Variants in DOCK5 observed in about 807,000 individuals in gnomAD.
The protein encoded by DOCK5 is dedicator of cytokinesis 5.
Under a neutral mutation model 251.8 loss-of-function variants are expected in DOCK5, and 142 were observed. The observed-to-expected ratio is 0.56, with a 90% confidence interval of 0.49 to 0.65. The LOEUF (loss-of-function observed/expected upper bound fraction) is 0.65. DOCK5 is among the 30% of genes least tolerant of loss of function. DOCK5 has a pLI of 0.00. For synonymous variants in DOCK5, 842 were observed against 835.5 expected, an observed-to-expected ratio of 1.01 and a Z score of -0.13; for missense variants, 2,111 against 2,312.3, an observed-to-expected ratio of 0.91 and a Z score of 1.79.
intron 9 of DOCK5, among the ~76,000 whole-genome samples, chr8:25,300,861 G>A (rs958016572): frequency 1.7e-4 from 12 of 68,602 alleles, no homozygotes; most frequent in Admixed American, 9.0e-4. Flanking sequence ...GTGAAAAATC[G>A]GGGAAAAAAA....
At chr8:25,386,009 T>C (rs576696293) in intron 40 of DOCK5, among the ~76,000 whole-genome samples, 21 of 152,328 alleles carry the variant, frequency 1.4e-4, no homozygotes, top group Middle Eastern at 3.4e-3. Context: ...AGTAGTTGTG[T>C]ACAAGAGGGT....
chr8:25,231,758 G>C lies in DOCK5; in HGVS notation c.44-11916G>C, dbSNP rs964718410. Among the ~76,000 whole-genome samples the C allele has an allele frequency of 2.0e-5, 3 of 152,086 alleles. No homozygotes were observed. In the South Asian group the frequency reaches 6.2e-4, roughly 32 times the overall value. On this transcript the variant is annotated intron_variant, in intron 1 of 51. Transcript: ENST00000276440. ...CGATTCAAGCAGATATCTTTGCCTTGTACCTGGTATTAGAGGAGCACATTT... is the reference window on the plus strand; with the variant it reads ...CGATTCAAGCAGATATCTTTGCCTTCTACCTGGTATTAGAGGAGCACATTT...
chr8:25,223,632 T>C (rs1168959307), intron 1 of DOCK5, among the ~76,000 whole-genome samples: 1 of 152,228 alleles, frequency 6.6e-6, no homozygotes, highest in African/African-American at 2.4e-5. Flanking sequence ...TGATTTTTAA[T>C]ACCACCAACA....
chr8:25,210,429 C>T lies in DOCK5; in HGVS notation c.43+25478C>T, dbSNP rs1199203471. 5.9e-5 allele frequency among the ~76,000 whole-genome samples: 4 copies of T among 68,050 alleles called. 1 individual carries two copies. The highest frequency in any genetic ancestry group is 1.7e-4 in the Admixed American group (1 of 5,952). 44.6% of individuals were successfully genotyped at this position (68,050 alleles called of 152,430 possible). On this transcript the variant is annotated intron_variant, in intron 1 of 51. Transcript: ENST00000276440. The stretch of plus-strand genomic sequence containing the variant: ...TTGTCGAGTTGGGATGGTCAGATAA[C>T]GGCTCTGTGGAGGGGATATGTGGGA...
At chr8:25,296,835 G>C (rs1034780891) in intron 7 of DOCK5, among the ~76,000 whole-genome samples, 187 bp downstream of exon 7, 1 of 151,932 alleles carries the variant, frequency 6.6e-6, no homozygotes, top group Non-Finnish European at 1.5e-5. Flanking sequence ...TGGAAAGATC[G>C]CAAAGATACG....
chr8:25,213,899 T>C (rs1186684352), intron 1 of DOCK5, among the ~76,000 whole-genome samples: 1 of 152,218 alleles, frequency 6.6e-6, no homozygotes, highest in Admixed American at 6.5e-5. Flanking sequence ...TTATGGAAAG[T>C]ACTTGAGACC....
At position 25,395,701 on chromosome 8, in the gene DOCK5, C is replaced by A. The variant is rs1306498149; in HGVS notation, c.4686C>A (p.Gly1562=). ...TCGTGGACCCGGCCGTCATGGGGGG[C>A]TTCTCCAACTATGAAAAGGTTCGCT... ...SGIVDPAVMG[G]FSNYEKAFFT... The change falls in exon 45 of 52, where the codon GGC becomes GGA. Residue 1562 remains glycine (G), a synonymous_variant. Coordinates refer to ENST00000276440, the MANE Select transcript of DOCK5 (RefSeq NM_024940.8). 1.2e-6 allele frequency: 2 copies of A among 1,613,780 alleles called. No homozygotes were observed. Among genetic ancestry groups the A allele is most frequent in the East Asian group, 4.5e-5 (2 of 44,836 alleles).
intron 4 of DOCK5, among the ~76,000 whole-genome samples, chr8:25,278,072 C>T (rs1804092788): frequency 6.6e-6 from 1 of 152,106 alleles, no homozygotes; most frequent in Admixed American, 6.5e-5. Flanking sequence ...GAGAAGAAAA[C>T]ATGGGACTAT....
At chr8:25,267,866 A>C (rs1035588086) in intron 2 of DOCK5, among the ~76,000 whole-genome samples, 1 of 146,226 alleles carries the variant, frequency 6.8e-6, no homozygotes, top group Admixed American at 6.9e-5. Flanking sequence ...CTTTATTGGA[A>C]TTTTTTTTTT....
At chr8:25,392,162 G>A (rs1199240325) in intron 43 of DOCK5, among the ~76,000 whole-genome samples, 182 bp downstream of exon 43, 1 of 152,090 alleles carries the variant, frequency 6.6e-6, no homozygotes, top group Non-Finnish European at 1.5e-5. Context: ...AAATTAGCCG[G>A]GCGTGGTGGC....
At chr8:25,230,284 A>C (rs1045105408) in intron 1 of DOCK5, among the ~76,000 whole-genome samples, 1 of 152,192 alleles carries the variant, frequency 6.6e-6, no homozygotes, top group African/African-American at 2.4e-5. Context: ...ATGTGCTACA[A>C]ACACACATTC....
chr8:25,190,077 G>T lies in DOCK5; in HGVS notation c.43+5126G>T, dbSNP rs562571043. 5.1e-3 allele frequency among the ~76,000 whole-genome samples: 771 copies of T among 152,190 alleles called. 5 individuals carry two copies. Among genetic ancestry groups the T allele is most frequent in the African/African-American group, 0.018 (735 of 41,514 alleles). On this transcript the variant is annotated intron_variant, in intron 1 of 51. Coordinates refer to ENST00000276440, the MANE Select transcript of DOCK5 (RefSeq NM_024940.8). ...AGTTTTTGTATTTTTAGTAGAGACG[G>T]GGTTTCACCATGTTGGTCAGGCTGG... is the stretch of plus-strand genomic sequence containing the variant.
intron 3 of DOCK5, among the ~76,000 whole-genome samples, chr8:25,274,548 C>G (rs1471896285): frequency 6.6e-6 from 1 of 152,208 alleles, no homozygotes; most frequent in Admixed American, 6.5e-5. Flanking sequence ...TCTCCTCTTT[C>G]TCTTAGGTCT....
intron 8 of DOCK5, 119 bp downstream of exon 8, chr8:25,299,220 T>C: frequency 8.4e-7 from 1 of 1,195,456 alleles, no homozygotes; most frequent in Non-Finnish European, 1.1e-6. Flanking sequence ...GCATGGAAGA[T>C]TTCTAAGCAG....
In DOCK5 at chr8:25,397,000, A is replaced by G. The variant is rs533059300; in HGVS notation, c.4704+1281A>G. On this transcript the variant is annotated intron_variant, in intron 45 of 51. Transcript: ENST00000276440. The stretch of plus-strand genomic sequence containing the variant: ...CTTTGGGAAGCCGAGGCGGGAGATC[A>G]CCTGAGGCCAAGAGATAGAGACCAG... Among the ~76,000 whole-genome samples the G allele has an allele frequency of 9.9e-4, 151 of 152,148 alleles. 2 individuals are homozygous for G. The South Asian group carries it at 0.031, about 31-fold the overall frequency.
At chr8:25,246,460 G>A (rs1803111706) in intron 2 of DOCK5, among the ~76,000 whole-genome samples, 1 of 152,080 alleles carries the variant, frequency 6.6e-6, no homozygotes, top group African/African-American at 2.4e-5. Flanking sequence ...TTTTAGTAGA[G>A]ACAGGGTTTC....
chr8:25,338,290 C>T (rs899342098), intron 22 of DOCK5, among the ~76,000 whole-genome samples: 1 of 152,104 alleles, frequency 6.6e-6, no homozygotes, highest in African/African-American at 2.4e-5. Flanking sequence ...ATCTGCCCAC[C>T]TCCGCCTCCC....
intron 3 of DOCK5, chr8:25,270,753 A>T (rs757145252): frequency 1.4e-6 from 1 of 704,960 alleles, no homozygotes; most frequent in East Asian, 2.7e-5. Flanking sequence ...AAAGTATCCT[A>T]TGATTTTTTA....
intron 20 of DOCK5, among the ~76,000 whole-genome samples, chr8:25,333,857 G>A (rs911971808): frequency 6.6e-6 from 1 of 152,170 alleles, no homozygotes; most frequent in Admixed American, 6.5e-5. Context: ...GGCCAAGGAT[G>A]CTGGCTTGAG....
Sources: allele counts gnomAD v4.1 joint callset (sites outside exome capture counted in the v4.1 genomes callset), GRCh38; gene constraint gnomAD v4.1.1; transcripts MANE v1.5; gene names NCBI Gene and HGNC (gene_info 2026-07-23, HGNC 2026-07-21).